Variants in ZMYND15 observed in about 807,000 individuals in gnomAD.
The protein encoded by ZMYND15 is zinc finger MYND-type containing 15.
A neutral mutation model predicts 81.7 loss-of-function variants in ZMYND15; 54 were observed. That is an observed-to-expected ratio of 0.66 (90% CI 0.53 to 0.83). The LOEUF is 0.83. Among genes scored for constraint, ZMYND15 ranks in the 40% least tolerant of loss-of-function variants. ZMYND15 has a pLI of 0.00. For missense variants in ZMYND15, 925 were observed against 973.5 expected, an observed-to-expected ratio of 0.95 and a Z score of 0.66; for synonymous variants, 399 against 387.0, an observed-to-expected ratio of 1.03 and a Z score of -0.36.
chr17:4,740,176 C>G, intron 1 of ZMYND15, 126 bp downstream of exon 1: 1 of 736,864 alleles, frequency 1.4e-6, no homozygotes, highest in Non-Finnish European at 1.7e-6. Context: ...AAATGCTTCC[C>G]TCCCCACCAA....
Position 4,743,620 on chromosome 17 carries a change from C to T in ZMYND15, c.1298-147C>T, listed in dbSNP as rs1916531735. 3.1e-6 allele frequency: 4 copies of T among 1,285,246 alleles called. No individual in the cohort carries two copies. The highest frequency in any genetic ancestry group is 3.0e-5 in the African/African-American group (2 of 66,756). The allele number at this position is 1,285,246 out of a possible 1,614,324, so 79.6% of individuals were successfully genotyped here. On this transcript the variant is annotated intron_variant, in intron 6 of 13. Coordinates refer to ENST00000433935, the MANE Select transcript of ZMYND15 (RefSeq NM_001136046.3). This position sits in a 1 kb window ranked among gnomAD's most constrained non-coding sequence, Gnocchi z 4.3. ...CCCTCAATGGAATCACCCCTACCAA[C>T]TCCACCCAGAAACCCCATCCCTATG...
rs569041151 is a variant in ZMYND15 at position 4,745,767 on chromosome 17, A to G, written c.2058-52A>G. On this transcript the variant is annotated intron_variant, in intron 13 of 13. Transcript: ENST00000433935. The surrounding 1 kb of genome is among the most constrained non-coding windows in gnomAD (Gnocchi z 5.2). ...GGAGCCCCGACCCCTGGGAGCGCCG[A>G]CCCCTGGGAGTCCCGCCCCGTGGTC... 2.0e-4 allele frequency: 273 copies of G among 1,398,988 alleles called. 4 individuals are homozygous for G. In the East Asian group the frequency reaches 7.9e-3, roughly 40 times the overall value. 86.7% of individuals were successfully genotyped at this position (1,398,988 alleles called of 1,614,324 possible).
At chr17:4,741,255 G>A (rs1916398261) in intron 2 of ZMYND15, 115 bp downstream of exon 2, 1 of 1,239,124 alleles carries the variant, frequency 8.1e-7, no homozygotes, top group African/African-American at 1.6e-5. Flanking sequence ...GCCTGAAAAG[G>A]TGTTTTTATT....
rs756314143 is a variant in ZMYND15, at chr17:4,744,603, C to T, written c.1684-22C>T. 1.4e-5 allele frequency: 23 copies of T among 1,605,044 alleles called. No individual in the cohort carries two copies. The South Asian group carries it at 2.3e-4, about 16-fold the overall frequency. On this transcript the variant is annotated intron_variant, in intron 10 of 13. Coordinates refer to ENST00000433935, the MANE Select transcript of ZMYND15 (RefSeq NM_001136046.3). This position sits in a 1 kb window ranked among gnomAD's most constrained non-coding sequence, Gnocchi z 4.1. ...TCCCTGACTTCCAGTGGCTTTTCCA[C>T]CCCACTCCTGGGGCCCCTCAGGACA...
At position 4,745,115 on chromosome 17, in the gene ZMYND15, G is replaced by C. The variant is rs566846992; in HGVS notation, c.1897-100G>C. 5.6e-6 allele frequency: 9 copies of C among 1,594,388 alleles called. No homozygotes were observed. The African/African-American group carries it at 9.4e-5, about 17-fold the overall frequency. ...GTCCTCCCCCTGCTCCCCTCCGCCCGGTCTGTCCGGGGACCTCGGCTTTCA... is the reference window on the plus strand; with the variant it reads ...GTCCTCCCCCTGCTCCCCTCCGCCCCGTCTGTCCGGGGACCTCGGCTTTCA... On this transcript the variant is annotated intron_variant, in intron 12 of 13. Coordinates refer to ENST00000433935, the MANE Select transcript of ZMYND15 (RefSeq NM_001136046.3). This position sits in a 1 kb window ranked among gnomAD's most constrained non-coding sequence, Gnocchi z 5.2.
At position 4,743,832 on chromosome 17, in the gene ZMYND15, C is replaced by T. The variant is rs1266852572; in HGVS notation, c.1363C>T (p.Pro455Ser). The stretch of plus-strand genomic sequence containing the variant: ...GATGCCTCCTGTGCCCCCACATCCA[C>T]CCCGGGGTGTTTTTGGTGAGCTGGA... ...ALMPPVPPHPPRGVFGSWQDY... is the reference protein window; with the variant it reads ...ALMPPVPPHPSRGVFGSWQDY... Residue 455 changes from proline to serine, a missense_variant, in exon 7 of 14, where the codon CCC becomes TCC. Pro to Ser is a moderately conservative substitution (Grantham distance 74, BLOSUM62 -1). Coordinates refer to ENST00000433935, the MANE Select transcript of ZMYND15 (RefSeq NM_001136046.3). This position sits in a 1 kb window ranked among gnomAD's most constrained non-coding sequence, Gnocchi z 4.3. The T allele has an allele frequency of 6.2e-7, 1 of 1,613,986 alleles. No individual in the cohort carries two copies. The highest frequency in any genetic ancestry group is 8.5e-7 in the Non-Finnish European group (1 of 1,179,992).
chr17:4,745,018 C>T lies in ZMYND15; in HGVS notation c.1896+90C>T, dbSNP rs1227833650. 1 of 1,575,804 alleles carries T rather than the reference C, an allele frequency of 6.3e-7. No homozygotes were observed. ...CTGAAAGTCTCTGGGCTCTCCTCCT[C>T]TTCACCATCACCTGCTCCACAAACC... On this transcript the variant is annotated intron_variant, in intron 12 of 13. Transcript: ENST00000433935. The surrounding 1 kb of genome is among the most constrained non-coding windows in gnomAD (Gnocchi z 5.2).
At position 4,741,813 on chromosome 17, in the gene ZMYND15, A is replaced by T; in HGVS notation, c.824A>T (p.His275Leu). Residue 275 changes from histidine to leucine, a missense_variant, in exon 3 of 14, where the codon CAT becomes CTT. Physicochemically the swap from His to Leu is moderately conservative, Grantham distance 99. Transcript: ENST00000433935. ...RQLTVGDARLHRELESLVPRL... is the reference protein window; with the variant it reads ...RQLTVGDARLLRELESLVPRL... ...CTTACTGTGGGAGATGCCCGGCTGC[A>T]TCGGTATAGAAATCTGGTATCTGAG... 1 of 1,573,616 alleles carries T rather than the reference A, an allele frequency of 6.4e-7. No individual in the cohort carries two copies. Among genetic ancestry groups the T allele is most frequent in the South Asian group, 1.2e-5 (1 of 85,196 alleles).
Position 4,740,535 on chromosome 17 carries a change from G to C in ZMYND15, c.-14G>C. On this transcript the variant is annotated 5_prime_UTR_variant, in exon 2 of 14. Transcript: ENST00000433935. Reference sequence around the variant, plus strand: ...TTTGCTCAGTCTGGGCCGGGGCCCTGTGCCGCTGAAGACATGGAGTTTGTG... The same window carrying C: ...TTTGCTCAGTCTGGGCCGGGGCCCTCTGCCGCTGAAGACATGGAGTTTGTG... The C allele has an allele frequency of 1.3e-6, 2 of 1,575,942 alleles. No homozygotes were observed. The highest frequency in any genetic ancestry group is 1.7e-6 in the Non-Finnish European group (2 of 1,156,848).
Position 4,745,813 on chromosome 17 carries a change from C to T in ZMYND15, c.2058-6C>T, listed in dbSNP as rs771712626. 6 of 1,593,328 alleles carry T rather than the reference C, an allele frequency of 3.8e-6. No homozygotes were observed. The highest frequency in any genetic ancestry group is 1.7e-6 in the Non-Finnish European group (2 of 1,172,236). On this transcript the variant is annotated splice_polypyrimidine_tract_variant and splice_region_variant and intron_variant, in intron 13 of 13. Transcript: ENST00000433935. The surrounding 1 kb of genome is among the most constrained non-coding windows in gnomAD (Gnocchi z 5.2). Reference sequence around the variant, plus strand: ...TGGTCCCTGACTGCGCCCCGCGCCCCCGCAGGTACTGCAATGCCTTCATCT... The same window carrying T: ...TGGTCCCTGACTGCGCCCCGCGCCCTCGCAGGTACTGCAATGCCTTCATCT...
chr17:4,742,233 A>G, intron 4 of ZMYND15, 98 bp from the exon 5 acceptor site: 1 of 1,550,804 alleles, frequency 6.4e-7, no homozygotes, highest in Non-Finnish European at 8.8e-7. Flanking sequence ...TGTAAGACAA[A>G]CAGACCGAGT....
At chr17:4,740,249 G>A in intron 1 of ZMYND15, 199 bp downstream of exon 1, 1 of 583,164 alleles carries the variant, frequency 1.7e-6, no homozygotes, top group Non-Finnish European at 2.4e-6. Flanking sequence ...TGCTTTTGAG[G>A]GTGTGAACTC....
chr17:4,744,447 C>G lies in ZMYND15; in HGVS notation c.1663C>G (p.Gln555Glu), dbSNP rs1382232019. The G allele has an allele frequency of 5.0e-6, 8 of 1,613,986 alleles. No homozygotes were observed. The highest frequency in any genetic ancestry group is 6.8e-6 in the Non-Finnish European group (8 of 1,180,024). ...GDGLPPESDE[Q>E]HFTLQRDSLE... ...TGGCCTGCCCCCCGAAAGCGACGAG[C>G]AGCATTTTACCCTGCAGAGGGTGAG... Residue 555 changes from glutamine (Q) to glutamate (E), a missense_variant, in exon 10 of 14, where the codon CAG becomes GAG. Coordinates refer to ENST00000433935, the MANE Select transcript of ZMYND15 (RefSeq NM_001136046.3). This position sits in a 1 kb window ranked among gnomAD's most constrained non-coding sequence, Gnocchi z 4.1.
At position 4,744,145 on chromosome 17, in the gene ZMYND15, G is replaced by C; in HGVS notation, c.1495+38G>C. 1.2e-6 allele frequency: 2 copies of C among 1,612,812 alleles called. No individual in the cohort carries two copies. The highest frequency in any genetic ancestry group is 1.7e-6 in the Non-Finnish European group (2 of 1,179,092). On this transcript the variant is annotated intron_variant, in intron 8 of 13. Transcript: ENST00000433935. The surrounding 1 kb of genome is among the most constrained non-coding windows in gnomAD (Gnocchi z 4.1). ...GAGTGGGGGGTGGAGCAGGATGGGG[G>C]AGTGAGAGTGGACCACATCCTTAAA...
At chr17:4,742,616 C>T in intron 5 of ZMYND15, 125 bp downstream of exon 5, 2 of 1,309,974 alleles carry the variant, frequency 1.5e-6, no homozygotes, top group Admixed American at 2.5e-5. Context: ...GCCTAGATCC[C>T]TGGAACAAGG....
chr17:4,739,864 G>A lies in ZMYND15; in HGVS notation c.-217G>A. On this transcript the variant is annotated 5_prime_UTR_variant, in exon 1 of 14. Transcript: ENST00000433935. This position sits in a 1 kb window ranked among gnomAD's most constrained non-coding sequence, Gnocchi z 5.3. Reference sequence around the variant, plus strand: ...GCTGCATGAGCCTCCCGGGCGGCCCGGTGGAGAGAGTCGCCGCCAGCCCCG... The same window carrying A: ...GCTGCATGAGCCTCCCGGGCGGCCCAGTGGAGAGAGTCGCCGCCAGCCCCG... 3 of 986,444 alleles carry A rather than the reference G, an allele frequency of 3.0e-6. No individual in the cohort carries two copies. The highest frequency in any genetic ancestry group is 3.6e-6 in the Non-Finnish European group (3 of 830,690). The allele number at this position is 986,444 out of a possible 1,614,324, so 61.1% of individuals were successfully genotyped here. A position where few individuals can be genotyped will look rare whatever the true frequency, so the allele number is the denominator to read the frequency against.
Position 4,744,032 on chromosome 17 carries a change from G to T in ZMYND15, c.1420G>T (p.Asp474Tyr), listed in dbSNP as rs748679445. 1.3e-6 allele frequency: 2 copies of T among 1,553,546 alleles called. No individual in the cohort carries two copies. Among genetic ancestry groups the T allele is most frequent in the Non-Finnish European group, 1.7e-6 (2 of 1,147,720 alleles). Residue 474 changes from aspartate (D) to tyrosine (Y), a missense_variant, in exon 8 of 14, where the codon GAC becomes TAC. Physicochemically the swap from Asp to Tyr is radical, Grantham distance 160. Coordinates refer to ENST00000433935, the MANE Select transcript of ZMYND15 (RefSeq NM_001136046.3). This position sits in a 1 kb window ranked among gnomAD's most constrained non-coding sequence, Gnocchi z 4.1. The part of the protein sequence containing the change: ...DYYTWRGLSL[D>Y]SPIAVLLTYP... ...CTACACATGGCGGGGCCTCAGCTTGGACTCCCCCATAGCCGTGCTTCTCAC... is the reference window on the plus strand; with the variant it reads ...CTACACATGGCGGGGCCTCAGCTTGTACTCCCCCATAGCCGTGCTTCTCAC...
intron 2 of ZMYND15, 58 bp downstream of exon 2, chr17:4,741,198 G>T: frequency 6.5e-6 from 9 of 1,379,292 alleles, no homozygotes; most frequent in Non-Finnish European, 8.5e-6. Context: ...CCCTTCGGAA[G>T]CCCTCCCCTG....
intron 5 of ZMYND15, 57 bp downstream of exon 5, chr17:4,742,548 G>C: frequency 6.3e-7 from 1 of 1,589,312 alleles, no homozygotes; most frequent in Non-Finnish European, 8.6e-7. Flanking sequence ...TTTGAGACTG[G>C]GAATTAGATG....
Sources: gnomAD v4.1 joint callset for allele counts on GRCh38, gnomAD v4.1.1 for gene constraint, Gnocchi (gnomAD v3.1) non-coding constraint, MANE v1.5 for transcripts, NCBI Gene and HGNC (gene_info 2026-07-23, HGNC 2026-07-21) for gene names.